The following CHMP2B variants were observed in gnomAD, a reference collection of about 807,000 sequenced individuals.
CHMP2B encodes charged multivesicular body protein 2B.
A neutral mutation model predicts 29.8 loss-of-function variants in CHMP2B; 22 were observed. The ratio of observed to expected loss-of-function variants is 0.74; its 90% CI spans 0.53 to 1.05. The LOEUF is 1.05. Among genes scored for constraint, CHMP2B ranks in the 50% least tolerant of loss-of-function variants. CHMP2B has a pLI of 0.00. For missense variants in CHMP2B, 261 were observed against 252.2 expected (o/e 1.03, Z -0.24); for synonymous variants, 78 against 75.8 (o/e 1.03, Z -0.15).
In CHMP2B at chr3:87,249,876, C is replaced by T. The variant is rs753676349; in HGVS notation, c.323C>T (p.Thr108Ile). 1.5e-5 allele frequency: 24 copies of T among 1,577,850 alleles called. No homozygotes were observed. In the South Asian group the frequency reaches 2.6e-4, roughly 17 times the overall value. Residue 108 changes from threonine to isoleucine, a missense_variant and splice_region_variant, in exon 4 of 6, where the codon ACA (threonine) becomes ATA (isoleucine). Thr to Ile is a moderately conservative substitution (Grantham distance 89). Coordinates refer to ENST00000263780, the MANE Select transcript of CHMP2B (RefSeq NM_014043.4). ...TGAATCTTGTAAATACATTTAAAGACAATGCAGGCAGTTAACAAGAAGATG... is the reference window on the plus strand; with the variant it reads ...TGAATCTTGTAAATACATTTAAAGATAATGCAGGCAGTTAACAAGAAGATG... ...MAGAMSTTAK[T>I]MQAVNKKMDP...
chr3:87,239,241 GTTCT>G (rs1706070717), intron 1 of CHMP2B, among the ~76,000 whole-genome samples: 1 of 151,866 alleles, frequency 6.6e-6, no homozygotes, highest in South Asian at 2.1e-4. Flanking sequence ...ACCTAATAAT[GTTCT>G]TTAATGCATA....
At position 87,245,966 on chromosome 3, in the gene CHMP2B, C is replaced by T. The variant is rs927721597; in HGVS notation, c.321+58C>T. ...AATTTTATCAACGATATTTAAATATCAATATTGAAAGCAGATTTAAAAGCA... is the reference window on the plus strand; with the variant it reads ...AATTTTATCAACGATATTTAAATATTAATATTGAAAGCAGATTTAAAAGCA... On this transcript the variant is annotated intron_variant, in intron 3 of 5. Transcript: ENST00000263780. The T allele has an allele frequency of 5.0e-6, 7 of 1,409,022 alleles. No individual in the cohort carries two copies. The Admixed American group carries it at 1.1e-4, about 21-fold the overall frequency. The allele number at this position is 1,409,022 out of a possible 1,614,324, so 87.3% of individuals were successfully genotyped here. A position where few individuals can be genotyped will look rare whatever the true frequency, so the allele number is the denominator to read the frequency against.
At chr3:87,237,798 A>G (rs1025168788) in intron 1 of CHMP2B, among the ~76,000 whole-genome samples, 2 of 152,116 alleles carry the variant, frequency 1.3e-5, no homozygotes, top group African/African-American at 4.8e-5. Flanking sequence ...TGGATCATCC[A>G]TGCCCTCTCT....
Position 87,254,318 on chromosome 3 carries a change from A to G in CHMP2B, c.*496A>G, listed in dbSNP as rs1269776720. On this transcript the variant is annotated 3_prime_UTR_variant, in exon 6 of 6. Transcript: ENST00000263780. ...TTAAATGGTCAAAAAGAAGAGTGCTATTTAAACATCTGTCTTAAACAAAAA... is the reference window on the plus strand; with the variant it reads ...TTAAATGGTCAAAAAGAAGAGTGCTGTTTAAACATCTGTCTTAAACAAAAA... 2 of 156,576 alleles carry G rather than the reference A, an allele frequency of 1.3e-5. No homozygotes were observed. The highest frequency in any genetic ancestry group is 1.9e-4 in the East Asian group (1 of 5,346). The allele number at this position is 156,576 out of a possible 1,614,324, so 9.7% of individuals were successfully genotyped here.
intron 3 of CHMP2B, among the ~76,000 whole-genome samples, chr3:87,247,631 G>A (rs781369621): frequency 2.0e-5 from 3 of 152,134 alleles, no homozygotes; most frequent in African/African-American, 4.8e-5. Context: ...AACACTGCAG[G>A]TATTCATTTG....
intron 1 of CHMP2B, among the ~76,000 whole-genome samples, chr3:87,229,409 A>G (rs1389661053): frequency 6.6e-6 from 1 of 152,234 alleles, no homozygotes; most frequent in Non-Finnish European, 1.5e-5. Context: ...TTTGGCCAGC[A>G]GGTACATTTA....
At chr3:87,245,609 G>A (rs1706196852) in intron 2 of CHMP2B, 105 bp from the exon 3 acceptor site, 5 of 916,076 alleles carry the variant, frequency 5.5e-6, no homozygotes, top group South Asian at 1.6e-5. Context: ...CTTCATGATC[G>A]GGGACAAAGG....
At chr3:87,244,080 C>T (rs965275682) in intron 2 of CHMP2B, among the ~76,000 whole-genome samples, 2 of 138,228 alleles carry the variant, frequency 1.4e-5, no homozygotes. Flanking sequence ...TGGAGTCTTG[C>T]TCTGTCACCA....
At chr3:87,243,283 G>C (rs1706154845) in intron 2 of CHMP2B, among the ~76,000 whole-genome samples, 1 of 152,010 alleles carries the variant, frequency 6.6e-6, no homozygotes, top group Admixed American at 6.6e-5. Flanking sequence ...ACTTGGTAAT[G>C]ATGTATTTTT....
intron 3 of CHMP2B, among the ~76,000 whole-genome samples, chr3:87,247,579 C>T (rs910233968): frequency 2.6e-5 from 4 of 152,160 alleles, no homozygotes; most frequent in African/African-American, 9.7e-5. Flanking sequence ...TTGGGTGACT[C>T]ACATGTTTTG....
At chr3:87,244,061 T>G (rs912433926) in intron 2 of CHMP2B, among the ~76,000 whole-genome samples, 5 of 150,836 alleles carry the variant, frequency 3.3e-5, no homozygotes, top group African/African-American at 1.2e-4. Context: ...GTTGTTTTTT[T>G]TTTTGAGATG....
chr3:87,235,796 G>T (rs972802182), intron 1 of CHMP2B, among the ~76,000 whole-genome samples: 10 of 152,172 alleles, frequency 6.6e-5, no homozygotes, highest in Non-Finnish European at 2.9e-5. Flanking sequence ...ATAGGTGAAA[G>T]ACAGTCCCAC....
At chr3:87,234,184 G>A (rs1174992341) in intron 1 of CHMP2B, among the ~76,000 whole-genome samples, 1 of 152,188 alleles carries the variant, frequency 6.6e-6, no homozygotes. Flanking sequence ...ACTAATGGTA[G>A]GGAGGACAGG....
At chr3:87,249,030 T>C (rs1471459241) in intron 3 of CHMP2B, among the ~76,000 whole-genome samples, 1 of 152,182 alleles carries the variant, frequency 6.6e-6, no homozygotes, top group Non-Finnish European at 1.5e-5. Context: ...AATTTCATCA[T>C]TGTGTAAACA....
Position 87,253,718 on chromosome 3 carries a change from A to G in CHMP2B, c.538A>G (p.Lys180Glu), listed in dbSNP as rs1331518616. 2 of 1,612,090 alleles carry G rather than the reference A, an allele frequency of 1.2e-6. No homozygotes were observed. The highest frequency in any genetic ancestry group is 1.7e-4 in the Middle Eastern group (1 of 6,052). Residue 180 changes from lysine (K) to glutamate (E), a missense_variant, in exon 6 of 6, where the codon AAA (lysine) becomes GAA (glutamate). Physicochemically the swap from Lys to Glu is moderately conservative, Grantham distance 56 (BLOSUM62 1). Coordinates refer to ENST00000263780, the MANE Select transcript of CHMP2B (RefSeq NM_014043.4). ...IGIEISGKMA[K>E]APSAARSLPS... The stretch of plus-strand genomic sequence containing the variant: ...TTTTCATTGTTTAATATAGATGGCC[A>G]AAGCTCCATCAGCTGCTCGAAGCTT...
chr3:87,227,786 A>C (rs1705840558), intron 1 of CHMP2B, among the ~76,000 whole-genome samples: 1 of 151,054 alleles, frequency 6.6e-6, no homozygotes, highest in African/African-American at 2.4e-5. Context: ...CGATTCCCCC[A>C]CCCTCGGGTT....
intron 4 of CHMP2B, among the ~76,000 whole-genome samples, chr3:87,250,961 CATT>C (rs1342660997): frequency 2.0e-5 from 3 of 151,836 alleles, no homozygotes; most frequent in Non-Finnish European, 4.4e-5. Flanking sequence ...AAACTGACAT[CATT>C]GTTTTGAAAG....
chr3:87,231,398 A>G lies in CHMP2B; in HGVS notation c.34+3842A>G, dbSNP rs1257154311. Among the ~76,000 whole-genome samples the G allele has an allele frequency of 2.0e-5, 3 of 152,076 alleles. No individual in the cohort carries two copies. In the East Asian group the frequency reaches 5.8e-4, roughly 29 times the overall value. On this transcript the variant is annotated intron_variant, in intron 1 of 5. Coordinates refer to ENST00000263780, the MANE Select transcript of CHMP2B (RefSeq NM_014043.4). ...ATAGGATCTTCCTCTCTGTGTTTGC[A>G]ACTCTTTCCTCTATTCAGATCCTAC...
intron 1 of CHMP2B, among the ~76,000 whole-genome samples, chr3:87,234,892 A>G (rs915548212): frequency 9.2e-5 from 14 of 152,220 alleles, no homozygotes; most frequent in South Asian, 4.1e-4. Context: ...AATTATTTCA[A>G]TGTTTCACAT....
Sources: gnomAD v4.1 joint callset for allele counts (sites outside exome capture counted in the v4.1 genomes callset) on GRCh38, gnomAD v4.1.1 for gene constraint, MANE v1.5 for transcripts, NCBI Gene and HGNC (gene_info 2026-07-23, HGNC 2026-07-21) for gene names.